PSD3: variants seen among roughly 807,000 people sequenced by gnomAD.
PSD3 encodes the protein PH and SEC7 domain-containing protein 3.
In PSD3, 49 loss-of-function variants were observed where a neutral mutation model predicts 105.5. The ratio of observed to expected loss-of-function variants is 0.46; its 90% CI spans 0.37 to 0.59. PSD3 has a LOEUF of 0.59. Ranked by LOEUF, PSD3 falls within the 20% of genes least tolerant of loss-of-function variation. PSD3 has a pLI of 0.00. For missense variants in PSD3, 1,561 were observed against 1,263.8 expected (o/e 1.24, Z -3.57); for synonymous variants, 557 against 457.8 (o/e 1.22, Z -2.77).
chr8:18,899,869 T>C (rs770450451), intron 2 of PSD3, among the ~76,000 whole-genome samples: 7 of 152,200 alleles, frequency 4.6e-5, no homozygotes, highest in Non-Finnish European at 1.0e-4. Context: ...GCATTCCTCA[T>C]CATAAATCCA....
chr8:18,804,654 A>T, intron 5 of PSD3, 50 bp downstream of exon 5: 1 of 1,611,396 alleles, frequency 6.2e-7, no homozygotes, highest in Non-Finnish European at 8.5e-7. Flanking sequence ...TATTTAAAAC[A>T]CACACAAAAC....
intron 9 of PSD3, among the ~76,000 whole-genome samples, chr8:18,708,422 C>G (rs981979110): frequency 6.6e-6 from 1 of 151,824 alleles, no homozygotes; most frequent in Admixed American, 6.6e-5. Flanking sequence ...CAGCTCTAGG[C>G]CTGGGATTGA....
At chr8:19,061,817 A>T (rs1039701115) in intron 1 of PSD3, among the ~76,000 whole-genome samples, 2 of 152,042 alleles carry the variant, frequency 1.3e-5, no homozygotes, top group Non-Finnish European at 2.9e-5. Flanking sequence ...AAAAAAAAAA[A>T]AATCACTTCC....
chr8:18,949,244 A>AAAAAAAAAAAAAT (rs1345423514), intron 1 of PSD3, among the ~76,000 whole-genome samples: 6 of 14,404 alleles, frequency 4.2e-4, no homozygotes, highest in Non-Finnish European at 5.4e-4. Context: ...AAAAAAAAAA[A>AAAAAAAAAAAAAT]ATATATATAT....
intron 2 of PSD3, among the ~76,000 whole-genome samples, chr8:18,874,293 C>T (rs534544890): frequency 6.6e-6 from 1 of 152,052 alleles, no homozygotes; most frequent in African/African-American, 2.4e-5. Context: ...TCCAGAGTAG[C>T]TGGGACTACA....
rs190299539 is a variant in PSD3, at chr8:18,767,050, A to C, written c.2083-1512T>G. On this transcript the variant is annotated intron_variant, in intron 8 of 15. Coordinates refer to ENST00000327040, the MANE Select transcript of PSD3 (RefSeq NM_015310.4). ...TATAGAAATAATCTTGAAAAGACAG[A>C]AAAGAACAAAGGCAGTCACAGCCTC... Among the ~76,000 whole-genome samples the C allele has an allele frequency of 1.0e-3, 152 of 152,350 alleles. 1 individual carries two copies. The highest frequency in any genetic ancestry group is 3.4e-3 in the African/African-American group (143 of 41,576).
At chr8:18,578,474 C>T (rs1802597711) in intron 12 of PSD3, among the ~76,000 whole-genome samples, 1 of 152,084 alleles carries the variant, frequency 6.6e-6, no homozygotes, top group Admixed American at 6.6e-5. Flanking sequence ...CCTCTCTGAT[C>T]ATTATTTTGC....
intron 1 of PSD3, among the ~76,000 whole-genome samples, chr8:19,019,932 G>A (rs1322712575): frequency 6.6e-6 from 1 of 152,146 alleles, no homozygotes; most frequent in Admixed American, 6.5e-5. Context: ...TATAGTAAGT[G>A]CACAAGAAAT....
At position 18,575,234 on chromosome 8, in the gene PSD3, C is replaced by G. The variant is rs1164738199; in HGVS notation, c.2533G>C (p.Val845Leu). The change falls in exon 13 of 16, where the codon GTG becomes CTG. Residue 845 changes from valine (V) to leucine (L), a missense_variant. Physicochemically the swap from Val to Leu is conservative, Grantham distance 32. Transcript: ENST00000327040. ...ALSEEDLKNAVSVHHALASKA... is the reference protein window; with the variant it reads ...ALSEEDLKNALSVHHALASKA... ...GATGCCAATGCGTGGTGCACACTCACAGCGTTTTTCAAGTCCTCTTCAGAC... is the reference window on the plus strand; with the variant it reads ...GATGCCAATGCGTGGTGCACACTCAGAGCGTTTTTCAAGTCCTCTTCAGAC... 10 of 1,613,244 alleles carry G rather than the reference C, an allele frequency of 6.2e-6. No individual in the cohort carries two copies. The highest frequency in any genetic ancestry group is 8.5e-6 in the Non-Finnish European group (10 of 1,179,614).
At chr8:18,850,230 C>T (rs188829074) in intron 4 of PSD3, among the ~76,000 whole-genome samples, 47 of 152,362 alleles carry the variant, frequency 3.1e-4, no homozygotes, top group African/African-American at 1.1e-3. Context: ...CCTCCCCTGT[C>T]CCAAAGGGAT....
intron 14 of PSD3, among the ~76,000 whole-genome samples, chr8:18,563,969 G>T: frequency 6.6e-6 from 1 of 152,098 alleles, no homozygotes; most frequent in East Asian, 1.9e-4. Context: ...CCACTGCAAA[G>T]AGTTTTAAAA....
At chr8:18,978,401 G>T (rs561679405) in intron 1 of PSD3, among the ~76,000 whole-genome samples, 1 of 152,320 alleles carries the variant, frequency 6.6e-6, no homozygotes, top group East Asian at 1.9e-4. Flanking sequence ...ACAGGATTTT[G>T]TTCAGATTTG....
intron 12 of PSD3, among the ~76,000 whole-genome samples, chr8:18,587,181 A>G (rs1175764837): frequency 6.6e-6 from 1 of 152,120 alleles, no homozygotes; most frequent in Non-Finnish European, 1.5e-5. Flanking sequence ...GGAGAACAAC[A>G]TGGCACTCCC....
At chr8:18,829,009 T>C (rs1813455934) in intron 4 of PSD3, among the ~76,000 whole-genome samples, 2 of 152,158 alleles carry the variant, frequency 1.3e-5, no homozygotes, top group Non-Finnish European at 1.5e-5. Flanking sequence ...GAGGCAGAGA[T>C]TGCAGTGAAC....
chr8:18,828,458 A>G (rs931394840), intron 4 of PSD3, among the ~76,000 whole-genome samples: 14 of 152,166 alleles, frequency 9.2e-5, no homozygotes, highest in Non-Finnish European at 1.0e-4. Context: ...CATCTTACTC[A>G]CAATTTTTTT....
At chr8:19,045,143 C>A (rs1446126694) in intron 1 of PSD3, among the ~76,000 whole-genome samples, 1 of 151,970 alleles carries the variant, frequency 6.6e-6, no homozygotes, top group Non-Finnish European at 1.5e-5. Context: ...CAAAATCATG[C>A]CATTGCACTT....
intron 12 of PSD3, 113 bp downstream of exon 12, chr8:18,600,251 C>T (rs760698842): frequency 4.6e-5 from 47 of 1,027,784 alleles, no homozygotes; most frequent in Non-Finnish European, 6.8e-5. Context: ...CATCAGCAAA[C>T]AAACTGCAGA....
In PSD3 at chr8:18,531,008, T is replaced by C. The variant is rs1434726176; in HGVS notation, c.*4735A>G. 2 of 151,674 alleles carry C rather than the reference T, an allele frequency of 1.3e-5. No homozygotes were observed. The highest frequency in any genetic ancestry group is 1.5e-5 in the Non-Finnish European group (1 of 67,888). The allele number at this position is 151,674 out of a possible 1,614,324, so 9.4% of individuals were successfully genotyped here. A position where few individuals can be genotyped will look rare whatever the true frequency, so the allele number is the denominator to read the frequency against. ...AAATAATTTTGATGTACATGTACCA[T>C]ACACTGATATGCAATCTACACACTG... On this transcript the variant is annotated 3_prime_UTR_variant, in exon 16 of 16. Transcript: ENST00000327040.
At chr8:18,669,650 C>A (rs1316096818) in intron 9 of PSD3, among the ~76,000 whole-genome samples, 4 of 152,184 alleles carry the variant, frequency 2.6e-5, no homozygotes, top group African/African-American at 9.7e-5. Context: ...CATCGCACTA[C>A]GCCGGATGGC....
Sources: gnomAD v4.1 joint callset for allele counts (sites outside exome capture counted in the v4.1 genomes callset) on GRCh38, gnomAD v4.1.1 for gene constraint, MANE v1.5 for transcripts, NCBI Gene and HGNC (gene_info 2026-07-23, HGNC 2026-07-21) for gene names.